The following ENTPD1 variants were observed in gnomAD, a reference collection of about 807,000 sequenced individuals.
The protein encoded by ENTPD1 is ATP diphosphohydrolase.
A neutral mutation model predicts 57.0 loss-of-function variants in ENTPD1; 33 were observed. That is an observed-to-expected ratio of 0.58 (90% confidence interval 0.44 to 0.77). The LOEUF is 0.77. ENTPD1 is among the 30% of genes least tolerant of loss of function. The probability of loss-of-function intolerance (pLI) is 0.00; values close to 1 mark genes in which losing one functional copy is unlikely to be tolerated. For synonymous variants in ENTPD1, 202 were observed against 218.8 expected (o/e 0.92, Z 0.68); for missense variants, 501 against 603.4 (o/e 0.83, Z 1.78).
At chr10:95,725,121 C>G (rs1462428679) in intron 1 of ENTPD1, among the ~76,000 whole-genome samples, 1 of 117,560 alleles carries the variant, frequency 8.5e-6, no homozygotes, top group Non-Finnish European at 1.9e-5. Context: ...CTGATACTTT[C>G]AATCTATTAT....
At chr10:95,773,088 G>A (rs142371294) in intron 1 of ENTPD1, among the ~76,000 whole-genome samples, 14 of 151,604 alleles carry the variant, frequency 9.2e-5, no homozygotes, top group African/African-American at 1.7e-4. Flanking sequence ...TAGAGAGGCC[G>A]GTGCTAGCCT....
chr10:95,767,120 C>G (rs2098091729), intron 1 of ENTPD1, among the ~76,000 whole-genome samples: 1 of 151,666 alleles, frequency 6.6e-6, no homozygotes, highest in Non-Finnish European at 1.5e-5. Flanking sequence ...GCATTCCATC[C>G]TGGCTAACAT....
chr10:95,866,408 T>C lies in ENTPD1; in HGVS notation c.*25T>C. 1 of 1,613,862 alleles carries C rather than the reference T, an allele frequency of 6.2e-7. No homozygotes were observed. The highest frequency in any genetic ancestry group is 1.1e-5 in the South Asian group (1 of 90,958). ...GCAAAAGCAGCTGAAATATGCTGGC[T>C]GGAGTGAGGAAAAAAATCGTCCAGG... On this transcript the variant is annotated 3_prime_UTR_variant, in exon 10 of 10. Transcript: ENST00000371205.
rs1030529377 is a variant in ENTPD1 at position 95,873,207 on chromosome 10, G to T, written c.*6824G>T. The stretch of plus-strand genomic sequence containing the variant: ...CTAGATGACATTATCATTCCAAAGA[G>T]TTTCTTTTACAGGCTCTCAGATCAG... On this transcript the variant is annotated 3_prime_UTR_variant, in exon 10 of 10. Coordinates refer to ENST00000371205, the MANE Select transcript of ENTPD1 (RefSeq NM_001776.6). 1 of 985,280 alleles carries T rather than the reference G, an allele frequency of 1.0e-6. No homozygotes were observed. Among genetic ancestry groups the T allele is most frequent in the Non-Finnish European group, 1.2e-6 (1 of 829,938 alleles). 61.0% of individuals were successfully genotyped at this position (985,280 alleles called of 1,614,324 possible).
intron 2 of ENTPD1, among the ~76,000 whole-genome samples, chr10:95,834,052 G>C (rs1315090643): frequency 2.6e-5 from 4 of 152,318 alleles, no homozygotes; most frequent in Middle Eastern, 3.4e-3. Context: ...GCTTTTTGGG[G>C]ATGGTGTAGG....
rs1201035905 is a variant in ENTPD1, at chr10:95,809,834, GC to G, written c.17-13402del. ...TGCTCCCCACTTCCCAGACGGGGCA[GC>G]GGCCGGGCTGAGATGCTCCTCACTT... On this transcript the variant is annotated intron_variant, in intron 1 of 9. Transcript: ENST00000371205. 6.9e-4 allele frequency among the ~76,000 whole-genome samples: 100 copies of G among 144,436 alleles called. 2 individuals carry two copies. The highest frequency in any genetic ancestry group is 1.6e-3 in the South Asian group (7 of 4,254). The allele number at this position is 144,436 out of a possible 152,430, so 94.8% of individuals were successfully genotyped here.
intron 1 of ENTPD1, among the ~76,000 whole-genome samples, chr10:95,733,254 C>T (rs1041014356): frequency 6.6e-6 from 1 of 152,228 alleles, no homozygotes; most frequent in African/African-American, 2.4e-5. Flanking sequence ...AAATATGGCT[C>T]TGTTCCACCT....
intron 1 of ENTPD1, among the ~76,000 whole-genome samples, chr10:95,728,562 A>T (rs1368939652): frequency 6.6e-6 from 1 of 152,110 alleles, no homozygotes; most frequent in Non-Finnish European, 1.5e-5. Context: ...GGCACTTTTT[A>T]TGGATCCCAC....
chr10:95,865,000 C>A, intron 9 of ENTPD1, 139 bp downstream of exon 9: 1 of 1,062,838 alleles, frequency 9.4e-7, no homozygotes, highest in Non-Finnish European at 1.4e-6. Flanking sequence ...TGCTTCAAAC[C>A]CTGGCATTCT....
chr10:95,837,438 T>C (rs1168068827), intron 2 of ENTPD1, among the ~76,000 whole-genome samples: 7 of 152,230 alleles, frequency 4.6e-5, no homozygotes, highest in Non-Finnish European at 1.0e-4. Context: ...CTGCCCACAA[T>C]GGCCACCACC....
rs114596741 is a variant in ENTPD1 at position 95,876,591 on chromosome 10, G to T, written c.*10208G>T. 534 of 1,230,508 alleles carry T rather than the reference G, an allele frequency of 4.3e-4. 2 individuals carry two copies. The African/African-American group carries it at 7.3e-3, about 17-fold the overall frequency. The allele number at this position is 1,230,508 out of a possible 1,614,324, so 76.2% of individuals were successfully genotyped here. A position where few individuals can be genotyped will look rare whatever the true frequency, so the allele number is the denominator to read the frequency against. Reference sequence around the variant, plus strand: ...GAAGTCTACATGGAGAATACAGGATGAATCCACTCTGTCTCCTGCAGTGAA... The same window carrying T: ...GAAGTCTACATGGAGAATACAGGATTAATCCACTCTGTCTCCTGCAGTGAA... On this transcript the variant is annotated 3_prime_UTR_variant, in exon 10 of 10. Coordinates refer to ENST00000371205, the MANE Select transcript of ENTPD1 (RefSeq NM_001776.6).
chr10:95,785,162 C>T (rs2098174088), intron 1 of ENTPD1: 2 of 152,144 alleles, frequency 1.3e-5, no homozygotes, highest in Non-Finnish European at 2.9e-5. Flanking sequence ...TGGCAACTCC[C>T]GTTGCAGTGT....
intron 1 of ENTPD1, among the ~76,000 whole-genome samples, chr10:95,814,896 T>G (rs1293126383): frequency 6.6e-6 from 1 of 152,146 alleles, no homozygotes; most frequent in Non-Finnish European, 1.5e-5. Flanking sequence ...CCTGGCTCTA[T>G]TTTCTTACCT....
chr10:95,853,124 TTC>T (rs2098448350), intron 7 of ENTPD1, among the ~76,000 whole-genome samples: 1 of 152,232 alleles, frequency 6.6e-6, no homozygotes, highest in Non-Finnish European at 1.5e-5. Context: ...TGGTTTGTAG[TTC>T]TCCTTGAAGA....
intron 9 of ENTPD1, 58 bp from the exon 10 acceptor site, chr10:95,866,119 T>C (rs996983341): frequency 2.6e-5 from 41 of 1,563,980 alleles, no homozygotes; most frequent in Non-Finnish European, 3.3e-5. Context: ...TTCTAAGCCC[T>C]AGGTGATAAC....
In ENTPD1 at chr10:95,859,114, T is replaced by A. The variant is rs146593270; in HGVS notation, c.1075-1355T>A. Among the ~76,000 whole-genome samples, 3 of 152,314 alleles carry A rather than the reference T, an allele frequency of 2.0e-5. No individual in the cohort carries two copies. The East Asian group carries it at 5.8e-4, about 29-fold the overall frequency. The stretch of plus-strand genomic sequence containing the variant: ...AGGAAAATTTATTAAAAAGGACTAA[T>A]ATGCTCACACTTATGTTATTAGATA... On this transcript the variant is annotated intron_variant, in intron 7 of 9. Transcript: ENST00000371205.
At chr10:95,718,020 G>A (rs115514608) in intron 1 of ENTPD1, among the ~76,000 whole-genome samples, 5,674 of 152,274 alleles carry the variant, frequency 0.037, 128 homozygotes, top group Non-Finnish European at 0.049. Context: ...ATATATGGGT[G>A]TGGGCGGTGA....
intron 1 of ENTPD1, among the ~76,000 whole-genome samples, chr10:95,750,338 G>T (rs559182488): frequency 2.9e-4 from 44 of 152,270 alleles, no homozygotes; most frequent in South Asian, 1.0e-3. Context: ...GGTGGGAGGT[G>T]TTTGGGTCCT....
At chr10:95,729,734 A>G (rs1441721255) in intron 1 of ENTPD1, among the ~76,000 whole-genome samples, 1 of 152,180 alleles carries the variant, frequency 6.6e-6, no homozygotes, top group African/African-American at 2.4e-5. Context: ...GAATTGACAA[A>G]TGCTTATTTT....
Sources: gnomAD v4.1 joint callset for allele counts (sites outside exome capture counted in the v4.1 genomes callset) on GRCh38, gnomAD v4.1.1 for gene constraint, MANE v1.5 for transcripts, NCBI Gene and HGNC (gene_info 2026-07-23, HGNC 2026-07-21) for gene names.